The following ITFG1 variants were observed in gnomAD, a reference collection of about 807,000 sequenced individuals.
The protein encoded by ITFG1 is integrin alpha FG-GAP repeat containing 1.
ITFG1 carries 34 observed loss-of-function variants against 81.8 expected under a neutral mutation model. That is an observed-to-expected ratio of 0.42 (90% CI 0.32 to 0.55). The LOEUF (loss-of-function observed/expected upper bound fraction) is 0.55, where lower values mean the gene tolerates loss of function less well. Ranked by LOEUF, ITFG1 falls within the 20% of genes least tolerant of loss-of-function variation. The pLI is 0.17. For synonymous variants in ITFG1, 285 were observed against 270.6 expected (o/e 1.05, Z -0.52); for missense variants, 672 against 755.4 (o/e 0.89, Z 1.29).
intron 14 of ITFG1, among the ~76,000 whole-genome samples, chr16:47,211,624 T>G (rs994688902): frequency 6.6e-6 from 1 of 152,240 alleles, no homozygotes; most frequent in Non-Finnish European, 1.5e-5. Context: ...CTTTTATCAT[T>G]AAGCATAAAT....
At position 47,448,588 on chromosome 16, in the gene ITFG1, G is replaced by T. The variant is rs186464878; in HGVS notation, c.560+2808C>A. On this transcript the variant is annotated intron_variant, in intron 5 of 17. Transcript: ENST00000320640. ...CTGACCCAGAACGTATTTGAACTCA[G>T]TACGTGAGTCAGAAAATTTTTTTTT... 330 of 148,608 alleles carry T rather than the reference G, an allele frequency of 2.2e-3. 1 individual carries two copies. The highest frequency in any genetic ancestry group is 8.0e-3 in the African/African-American group (320 of 40,226). The allele number at this position is 148,608 out of a possible 1,614,324, so 9.2% of individuals were successfully genotyped here.
upstream of ITFG1, chr16:47,461,188 G>A (rs1016844812): frequency 2.8e-5 from 28 of 983,012 alleles, no homozygotes; most frequent in Non-Finnish European, 3.9e-5. Flanking sequence ...CTCCCACTAG[G>A]GCTGCCCTTC....
intron 14 of ITFG1, among the ~76,000 whole-genome samples, chr16:47,163,185 A>C (rs1964836285): frequency 3.3e-5 from 5 of 152,230 alleles, no homozygotes; most frequent in Admixed American, 3.3e-4. Flanking sequence ...TGTACAGTTA[A>C]GTGGTTTTGA....
At chr16:47,283,755 A>G (rs552492325) in intron 10 of ITFG1, among the ~76,000 whole-genome samples, 2 of 152,324 alleles carry the variant, frequency 1.3e-5, no homozygotes, top group South Asian at 2.1e-4. Flanking sequence ...AAAAGACATT[A>G]TATTTGTGGC....
At chr16:47,349,211 T>C (rs1353965822) in intron 8 of ITFG1, among the ~76,000 whole-genome samples, 1 of 152,164 alleles carries the variant, frequency 6.6e-6, no homozygotes, top group African/African-American at 2.4e-5. Flanking sequence ...CACATAACAA[T>C]ATTAACATTA....
At chr16:47,393,588 G>C (rs1424937873) in intron 6 of ITFG1, among the ~76,000 whole-genome samples, 2 of 152,060 alleles carry the variant, frequency 1.3e-5, no homozygotes, top group Non-Finnish European at 2.9e-5. Context: ...AAAATTAGCT[G>C]GGCGTGGTGG....
chr16:47,212,988 G>T (rs1338377371), intron 14 of ITFG1, among the ~76,000 whole-genome samples: 1 of 152,166 alleles, frequency 6.6e-6, no homozygotes, highest in Non-Finnish European at 1.5e-5. Context: ...TGAGGTGGGT[G>T]CTTACGTTAT....
At chr16:47,213,489 G>A (rs1422622543) in intron 14 of ITFG1, among the ~76,000 whole-genome samples, 1 of 152,032 alleles carries the variant, frequency 6.6e-6, no homozygotes, top group Non-Finnish European at 1.5e-5. Context: ...CAAATCTTGA[G>A]AGAGAGATAT....
intron 9 of ITFG1, among the ~76,000 whole-genome samples, chr16:47,313,420 G>A (rs1055109872): frequency 3.3e-5 from 5 of 152,054 alleles, no homozygotes; most frequent in African/African-American, 9.7e-5. Flanking sequence ...TAGATACAAC[G>A]TTCTTCTAAG....
At chr16:47,159,227 TGATGA>T (rs1279456080) in intron 16 of ITFG1, among the ~76,000 whole-genome samples, 2 of 152,228 alleles carry the variant, frequency 1.3e-5, no homozygotes, top group Non-Finnish European at 2.9e-5. Context: ...ATAGAATTTT[TGATGA>T]GATATTTCAA....
intron 6 of ITFG1, among the ~76,000 whole-genome samples, chr16:47,391,556 A>T (rs1200766647): frequency 6.6e-6 from 1 of 152,144 alleles, no homozygotes; most frequent in East Asian, 1.9e-4. Context: ...GACGTTTTAA[A>T]TTTTTTGTCC....
At chr16:47,222,357 T>TC (rs1478740863) in intron 13 of ITFG1, among the ~76,000 whole-genome samples, 2 of 151,974 alleles carry the variant, frequency 1.3e-5, no homozygotes, top group Non-Finnish European at 2.9e-5. Flanking sequence ...CAGTAGTCAT[T>TC]CAGGAGCAGG....
chr16:47,326,174 A>G (rs1261985192), intron 8 of ITFG1, among the ~76,000 whole-genome samples: 4 of 152,160 alleles, frequency 2.6e-5, no homozygotes, highest in African/African-American at 4.8e-5. Flanking sequence ...TCAACATACG[A>G]AAATCAATAC....
At chr16:47,414,765 A>G (rs1861038191) in intron 6 of ITFG1, among the ~76,000 whole-genome samples, 1 of 152,200 alleles carries the variant, frequency 6.6e-6, no homozygotes, top group Admixed American at 6.5e-5. Flanking sequence ...TCTCCTTTAT[A>G]TACTTTTGAA....
intron 5 of ITFG1, among the ~76,000 whole-genome samples, chr16:47,430,972 AATGGACTATT>A (rs1375135841): frequency 6.6e-6 from 1 of 152,254 alleles, no homozygotes; most frequent in African/African-American, 2.4e-5. Flanking sequence ...ATATCTATAC[AATGGACTATT>A]ATTAAGCCAT....
intron 8 of ITFG1, among the ~76,000 whole-genome samples, chr16:47,319,271 AG>A (rs1967412168): frequency 6.6e-6 from 1 of 152,216 alleles, no homozygotes; most frequent in South Asian, 2.1e-4. Flanking sequence ...TGCAGATAAA[AG>A]TTTTCCAAAA....
chr16:47,391,135 G>C (rs975517317), intron 6 of ITFG1, among the ~76,000 whole-genome samples: 4 of 151,920 alleles, frequency 2.6e-5, no homozygotes, highest in Non-Finnish European at 5.9e-5. Flanking sequence ...CACAAGCAGA[G>C]GCACAAAGGT....
intron 8 of ITFG1, among the ~76,000 whole-genome samples, chr16:47,347,228 AG>A (rs1480060683): frequency 6.6e-6 from 1 of 152,254 alleles, no homozygotes; most frequent in Non-Finnish European, 1.5e-5. Context: ...ACTGAGCGTG[AG>A]CCGAAGCAGG....
At chr16:47,211,869 T>C (rs541474312) in intron 14 of ITFG1, among the ~76,000 whole-genome samples, 1 of 152,250 alleles carries the variant, frequency 6.6e-6, no homozygotes, top group South Asian at 2.1e-4. Context: ...CACTTGATCA[T>C]GGTGTATAAT....
Sources: allele counts gnomAD v4.1 joint callset (sites outside exome capture counted in the v4.1 genomes callset), GRCh38; gene constraint gnomAD v4.1.1; transcripts MANE v1.5; gene names NCBI Gene and HGNC (gene_info 2026-07-23, HGNC 2026-07-21).